TMCO4: variants seen among roughly 807,000 people sequenced by gnomAD.
The protein encoded by TMCO4 is transmembrane and coiled-coil domains 4, also known as transmembrane and coiled-coil domain-containing protein 4.
A neutral mutation model predicts 64.7 loss-of-function variants in TMCO4; 58 were observed. The observed-to-expected ratio is 0.90, with a 90% confidence interval of 0.73 to 1.12. TMCO4 has a LOEUF of 1.12. Ranked by LOEUF, TMCO4 falls within the 50% of genes most tolerant of loss-of-function variation. TMCO4 has a pLI of 0.00. For missense variants in TMCO4, 780 were observed against 825.9 expected (o/e 0.94, Z 0.68); for synonymous variants, 325 against 346.1 (o/e 0.94, Z 0.68).
chr1:19,709,674 G>A lies in TMCO4; in HGVS notation c.1265-8789C>T, dbSNP rs1490165675. Among the ~76,000 whole-genome samples, 3 of 151,902 alleles carry A rather than the reference G, an allele frequency of 2.0e-5. No homozygotes were observed. The East Asian group carries it at 5.8e-4, about 29-fold the overall frequency. Reference sequence around the variant, plus strand: ...CAATAATGTTGGCCTAACTTCACAGGGGCAGGGAATGAAACCGGAGATTGT... The same window carrying A: ...CAATAATGTTGGCCTAACTTCACAGAGGCAGGGAATGAAACCGGAGATTGT... On this transcript the variant is annotated intron_variant, in intron 13 of 15. Transcript: ENST00000294543.
At chr1:19,747,858 C>G (rs1308384157) in intron 7 of TMCO4, among the ~76,000 whole-genome samples, 1 of 152,176 alleles carries the variant, frequency 6.6e-6, no homozygotes, top group South Asian at 2.1e-4. Flanking sequence ...ACTCAAGAGT[C>G]AGGAAGCCCA....
intron 13 of TMCO4, among the ~76,000 whole-genome samples, chr1:19,727,062 A>C (rs1307453172): frequency 6.6e-6 from 1 of 152,170 alleles, no homozygotes; most frequent in Non-Finnish European, 1.5e-5. Context: ...TGGTGGGTTC[A>C]GCCCCGGATG....
At chr1:19,731,803 C>G (rs2095431200) in intron 13 of TMCO4, among the ~76,000 whole-genome samples, 1 of 152,168 alleles carries the variant, frequency 6.6e-6, no homozygotes, top group South Asian at 2.1e-4. Flanking sequence ...GCCTCAGGTC[C>G]CCAAAGCAGG....
intron 6 of TMCO4, among the ~76,000 whole-genome samples, chr1:19,761,987 TC>T (rs766054589): frequency 2.0e-5 from 3 of 152,180 alleles, no homozygotes; most frequent in Non-Finnish European, 4.4e-5. Flanking sequence ...CTCCCAATGG[TC>T]CTAGGAGGTT....
chr1:19,755,174 G>A (rs2042190073), intron 7 of TMCO4, among the ~76,000 whole-genome samples: 1 of 152,082 alleles, frequency 6.6e-6, no homozygotes, highest in African/African-American at 2.4e-5. Flanking sequence ...CACCCACACT[G>A]GAGTGCAGTG....
intron 13 of TMCO4, among the ~76,000 whole-genome samples, chr1:19,727,980 C>T (rs2095415711): frequency 1.3e-5 from 2 of 152,148 alleles, no homozygotes; most frequent in Non-Finnish European, 2.9e-5. Flanking sequence ...CATACGTTCT[C>T]ATTTATAAGT....
intron 13 of TMCO4, among the ~76,000 whole-genome samples, chr1:19,704,588 C>T (rs1001816821): frequency 4.6e-5 from 7 of 152,220 alleles, no homozygotes; most frequent in African/African-American, 1.7e-4. Context: ...CCAGGGATAA[C>T]CATGAGCTCA....
intron 6 of TMCO4, among the ~76,000 whole-genome samples, chr1:19,762,886 C>T (rs1029818308): frequency 1.3e-5 from 2 of 152,140 alleles, no homozygotes; most frequent in African/African-American, 2.4e-5. Flanking sequence ...GGTCAATCCC[C>T]GCCCTTTGGG....
At chr1:19,750,320 T>C (rs983436780) in intron 7 of TMCO4, 1 of 152,158 alleles carries the variant, frequency 6.6e-6, no homozygotes, top group Non-Finnish European at 1.5e-5. Context: ...AGACAAGCGA[T>C]GTGGCGCTGA....
chr1:19,717,576 G>A (rs1483240162), intron 13 of TMCO4, among the ~76,000 whole-genome samples: 1 of 152,164 alleles, frequency 6.6e-6, no homozygotes, highest in Non-Finnish European at 1.5e-5. Flanking sequence ...CAACTTCCTG[G>A]CAGAAACCTT....
At chr1:19,797,993 GAAAAGA>G (rs2044416981) in intron 2 of TMCO4, 138 bp downstream of exon 2, 1 of 179,324 alleles carries the variant, frequency 5.6e-6, no homozygotes, top group South Asian at 1.3e-4. Context: ...GAAAAGAAAA[GAAAAGA>G]AAAGAAAAGA....
chr1:19,726,115 A>G (rs1412996055), intron 13 of TMCO4, among the ~76,000 whole-genome samples: 3 of 152,240 alleles, frequency 2.0e-5, no homozygotes, highest in Non-Finnish European at 4.4e-5. Context: ...AGAGGGGACA[A>G]AACAGACAGT....
chr1:19,708,344 C>G (rs1056627276), intron 13 of TMCO4, among the ~76,000 whole-genome samples: 1 of 151,014 alleles, frequency 6.6e-6, no homozygotes. Context: ...TGCTTTACCA[C>G]TTGGTACCCC....
chr1:19,775,297 G>C (rs1164281501), intron 4 of TMCO4, among the ~76,000 whole-genome samples: 1 of 152,092 alleles, frequency 6.6e-6, no homozygotes, highest in African/African-American at 2.4e-5. Flanking sequence ...GGCTGGTCTT[G>C]AACTCCTGAC....
chr1:19,797,662 A>G (rs1008124643), intron 2 of TMCO4, among the ~76,000 whole-genome samples: 3 of 152,012 alleles, frequency 2.0e-5, no homozygotes, highest in African/African-American at 7.2e-5. Flanking sequence ...CGAGGTCAGG[A>G]GTTCAAGACC....
At position 19,682,691 on chromosome 1, in the gene TMCO4, C is replaced by T; in HGVS notation, c.*349G>A. On this transcript the variant is annotated 3_prime_UTR_variant, in exon 16 of 16. Coordinates refer to ENST00000294543, the MANE Select transcript of TMCO4 (RefSeq NM_181719.7). ...GGCCCCAGAGAGCCCTCGGGACCTC[C>T]TGATGGACAGCCAGACTCCAAAGCT... 1 of 717,720 alleles carries T rather than the reference C, an allele frequency of 1.4e-6. No individual in the cohort carries two copies. Among genetic ancestry groups the T allele is most frequent in the South Asian group, 1.5e-5 (1 of 67,608 alleles). The allele number at this position is 717,720 out of a possible 1,614,324, so 44.5% of individuals were successfully genotyped here.
intron 3 of TMCO4, among the ~76,000 whole-genome samples, chr1:19,785,919 G>C (rs2043718176): frequency 6.6e-6 from 1 of 152,124 alleles, no homozygotes; most frequent in East Asian, 1.9e-4. Context: ...TGGGTGGAGA[G>C]GTATTCCTTA....
chr1:19,773,170 C>T (rs2043061847), intron 4 of TMCO4, among the ~76,000 whole-genome samples: 1 of 152,128 alleles, frequency 6.6e-6, no homozygotes, highest in Non-Finnish European at 1.5e-5. Flanking sequence ...GCCTGGGTGA[C>T]AGAGTGAGAC....
At chr1:19,747,092 C>T in intron 8 of TMCO4, 71 bp downstream of exon 8, 2 of 1,521,686 alleles carry the variant, frequency 1.3e-6, no homozygotes, top group Non-Finnish European at 1.8e-6. Flanking sequence ...TCTCCACTCT[C>T]ACCCACAGCC....
Sources: gnomAD v4.1 joint callset for allele counts (sites outside exome capture counted in the v4.1 genomes callset) on GRCh38, gnomAD v4.1.1 for gene constraint, MANE v1.5 for transcripts, NCBI Gene and HGNC (gene_info 2026-07-23, HGNC 2026-07-21) for gene names.